The following SYT14 variants were observed in gnomAD, a reference collection of about 807,000 sequenced individuals.
SYT14 encodes the protein synaptotagmin-14.
In SYT14, 32 loss-of-function variants were observed where a neutral mutation model predicts 74.2. The observed-to-expected ratio is 0.43, with a 90% CI of 0.33 to 0.58. The LOEUF is 0.58. SYT14 is among the 20% of genes least tolerant of loss of function. The probability of loss-of-function intolerance (pLI) is 0.05; values close to 1 mark genes in which losing one functional copy is unlikely to be tolerated. For missense variants in SYT14, 791 were observed against 981.8 expected (o/e 0.81, Z 2.60); for synonymous variants, 298 against 337.7 (o/e 0.88, Z 1.29).
intron 4 of SYT14, among the ~76,000 whole-genome samples, chr1:210,020,377 C>A (rs1247909567): frequency 1.3e-5 from 2 of 152,112 alleles, no homozygotes; most frequent in Non-Finnish European, 2.9e-5. Context: ...TAATTAATTT[C>A]TTAGGCTGAA....
intron 1 of SYT14, among the ~76,000 whole-genome samples, chr1:209,944,897 A>G (rs1041376975): frequency 5.3e-5 from 8 of 152,214 alleles, no homozygotes; most frequent in African/African-American, 1.4e-4. Flanking sequence ...AAACATCTCC[A>G]GAGCCTGAAT....
intron 5 of SYT14, among the ~76,000 whole-genome samples, chr1:210,038,867 T>C (rs1024929499): frequency 6.6e-6 from 1 of 152,136 alleles, no homozygotes; most frequent in African/African-American, 2.4e-5. Context: ...ATATTGACTT[T>C]AGTCTGATGA....
At chr1:210,101,377 T>C (rs1400985825) in intron 7 of SYT14, among the ~76,000 whole-genome samples, 2 of 152,148 alleles carry the variant, frequency 1.3e-5, no homozygotes, top group African/African-American at 2.4e-5. Flanking sequence ...TTTTGAGCTT[T>C]TAAATGTGTA....
In SYT14 at chr1:210,160,918, A is replaced by C. The variant is rs2083361493; in HGVS notation, c.2471A>C (p.Glu824Ala). Residue 824 changes from glutamate to alanine, a missense_variant, in exon 10 of 10, where the codon GAG becomes GCG. Coordinates refer to ENST00000637265, the Ensembl canonical transcript of SYT14. ...AACAAACGCAGCATGAAAAGAAAAG[A>C]GATGATAGGCTGGATTTCTTTAGGT... 1.9e-6 allele frequency: 3 copies of C among 1,614,064 alleles called. No homozygotes were observed. In the African/African-American group the frequency reaches 4.0e-5, roughly 22 times the overall value.
intron 3 of SYT14, among the ~76,000 whole-genome samples, chr1:210,014,227 G>A (rs538324224): frequency 6.6e-6 from 1 of 151,822 alleles, no homozygotes; most frequent in East Asian, 1.9e-4. Flanking sequence ...TCAGCTAATG[G>A]GTAATTTTAT....
intron 5 of SYT14, among the ~76,000 whole-genome samples, chr1:210,056,408 A>G (rs945591478): frequency 7.9e-5 from 12 of 152,176 alleles, no homozygotes; most frequent in Non-Finnish European, 1.3e-4. Flanking sequence ...TAGGAGTAAG[A>G]TAAAATGAGG....
intron 5 of SYT14, among the ~76,000 whole-genome samples, chr1:210,071,419 G>T (rs2102445838): frequency 6.6e-6 from 1 of 151,972 alleles, no homozygotes; most frequent in East Asian, 1.9e-4. Flanking sequence ...TTCACTAAAA[G>T]GACTTGCCTA....
At chr1:210,019,648 T>A (rs779241356) in intron 4 of SYT14, among the ~76,000 whole-genome samples, 1 of 152,182 alleles carries the variant, frequency 6.6e-6, no homozygotes, top group African/African-American at 2.4e-5. Flanking sequence ...ACATATAACC[T>A]CCTTCTAACT....
At chr1:210,041,432 ATTAG>A (rs766081886) in intron 5 of SYT14, among the ~76,000 whole-genome samples, 106 of 152,324 alleles carry the variant, frequency 7.0e-4, no homozygotes, top group Non-Finnish European at 1.1e-3. Flanking sequence ...TAATTTGATT[ATTAG>A]TTAAATAGGT....
chr1:210,084,185 C>A (rs1403980320), intron 5 of SYT14, among the ~76,000 whole-genome samples: 1 of 152,112 alleles, frequency 6.6e-6, no homozygotes, highest in Non-Finnish European at 1.5e-5. Context: ...GAGAGACTTA[C>A]CTTGCTCTGC....
exon 4 of SYT14, chr1:210,016,228 C>T (rs994186925): frequency 3.1e-5 from 38 of 1,232,038 alleles, no homozygotes; most frequent in South Asian, 1.6e-4. Context: ...AAAAAAATGC[C>T]GGGTTAACAG....
chr1:209,995,848 G>A (rs908838270), intron 2 of SYT14, among the ~76,000 whole-genome samples: 4 of 151,656 alleles, frequency 2.6e-5, no homozygotes, highest in Non-Finnish European at 4.4e-5. Flanking sequence ...AACTGCACAA[G>A]TACATGGAAA....
intron 2 of SYT14, among the ~76,000 whole-genome samples, chr1:209,966,378 G>A (rs2102733993): frequency 6.6e-6 from 1 of 152,228 alleles, no homozygotes; most frequent in East Asian, 1.9e-4. Flanking sequence ...ATAGCCTGGT[G>A]GAATTTTGGA....
At chr1:210,162,922 T>C (rs1210030051) in exon 10 of SYT14, 1 of 452,678 alleles carries the variant, frequency 2.2e-6, no homozygotes, top group Non-Finnish European at 4.4e-6. Context: ...ATCAATGAGC[T>C]TTTTCCAGGA....
At chr1:210,060,301 T>G (rs1465241337) in intron 5 of SYT14, among the ~76,000 whole-genome samples, 4 of 152,158 alleles carry the variant, frequency 2.6e-5, no homozygotes, top group African/African-American at 9.6e-5. Flanking sequence ...TCTCACATTT[T>G]GAGTTCCTAT....
chr1:210,160,881 C>T, exon 10 of SYT14: 2 of 1,614,024 alleles, frequency 1.2e-6, no homozygotes, highest in South Asian at 2.2e-5. Flanking sequence ...GACACTCATA[C>T]TGTCTGTGTA....
At chr1:210,116,075 C>T (rs2082355646) in intron 7 of SYT14, among the ~76,000 whole-genome samples, 1 of 151,490 alleles carries the variant, frequency 6.6e-6, no homozygotes, top group Non-Finnish European at 1.5e-5. Flanking sequence ...GCTTCTGAGC[C>T]AGGAGAAGGA....
intron 5 of SYT14, among the ~76,000 whole-genome samples, chr1:210,026,200 A>G (rs1172810451): frequency 1.3e-5 from 2 of 152,034 alleles, no homozygotes; most frequent in Admixed American, 6.6e-5. Context: ...GTTTTAATTT[A>G]TTTTTACTGT....
At chr1:210,157,933 A>G (rs1405839406) in intron 8 of SYT14, among the ~76,000 whole-genome samples, 1 of 152,148 alleles carries the variant, frequency 6.6e-6, no homozygotes, top group Non-Finnish European at 1.5e-5. Context: ...TCTTACATGT[A>G]TCACAGAAGG....
Sources: gnomAD v4.1 joint callset for allele counts (sites outside exome capture counted in the v4.1 genomes callset) on GRCh38, gnomAD v4.1.1 for gene constraint, MANE v1.5 for transcripts, NCBI Gene and HGNC (gene_info 2026-07-23, HGNC 2026-07-21) for gene names.